DPYD: variants seen among roughly 807,000 people sequenced by gnomAD.
The protein encoded by DPYD is dihydropyrimidine dehydrogenase, also known as dihydropyrimidine dehydrogenase [NADP(+)].
A neutral mutation model predicts 116.2 loss-of-function variants in DPYD; 109 were observed. That is an observed-to-expected ratio of 0.94 (90% CI 0.80 to 1.10). The LOEUF is 1.10. Ranked by LOEUF, DPYD falls within the 50% of genes least tolerant of loss-of-function variation. DPYD has a pLI of 0.00. For synonymous variants in DPYD, 440 were observed against 432.0 expected (o/e 1.02, Z -0.23); for missense variants, 1,302 against 1,254.5 (o/e 1.04, Z -0.57).
At chr1:97,323,849 A>C (rs1217379673) in intron 16 of DPYD, among the ~76,000 whole-genome samples, 2 of 151,518 alleles carry the variant, frequency 1.3e-5, no homozygotes, top group Non-Finnish European at 2.9e-5. Flanking sequence ...AGGAAATTTA[A>C]ATCATATGAA....
intron 19 of DPYD, among the ~76,000 whole-genome samples, chr1:97,201,152 C>T (rs937254841): frequency 2.6e-5 from 4 of 151,990 alleles, no homozygotes; most frequent in African/African-American, 4.8e-5. Flanking sequence ...TAAAAAGAAG[C>T]GAAGTGATTT....
At chr1:97,803,448 C>G (rs76357981) in intron 3 of DPYD, among the ~76,000 whole-genome samples, 7,788 of 151,720 alleles carry the variant, frequency 0.051, 278 homozygotes, top group Middle Eastern at 0.075. Flanking sequence ...AGACATTAAT[C>G]AAAAAGGTGT....
At chr1:97,514,889 A>G (rs1648099593) in intron 13 of DPYD, among the ~76,000 whole-genome samples, 1 of 151,878 alleles carries the variant, frequency 6.6e-6, no homozygotes, top group South Asian at 2.1e-4. Context: ...TTTGTTCTCT[A>G]TTATTTTCTT....
At chr1:97,279,058 C>T (rs1346443865) in intron 18 of DPYD, among the ~76,000 whole-genome samples, 3 of 152,000 alleles carry the variant, frequency 2.0e-5, no homozygotes, top group Non-Finnish European at 4.4e-5. Context: ...CAGATTTGTT[C>T]CATGAGTATA....
chr1:97,160,656 T>C (rs1052269714), intron 20 of DPYD, among the ~76,000 whole-genome samples: 2 of 152,072 alleles, frequency 1.3e-5, no homozygotes, highest in East Asian at 1.9e-4. Flanking sequence ...TATTGTCACA[T>C]AGATTGAATT....
At chr1:97,528,445 A>G (rs1649317386) in intron 12 of DPYD, among the ~76,000 whole-genome samples, 1 of 152,184 alleles carries the variant, frequency 6.6e-6, no homozygotes, top group African/African-American at 2.4e-5. Flanking sequence ...AATTGGCTCC[A>G]TGGCATAATG....
chr1:97,722,687 G>A (rs1190328382), intron 4 of DPYD, among the ~76,000 whole-genome samples: 2 of 151,572 alleles, frequency 1.3e-5, no homozygotes, highest in Admixed American at 6.6e-5. Flanking sequence ...AAAAGCCTCA[G>A]ACATAAGTAC....
At chr1:97,102,434 T>TATATATATATATATAAATGTA (rs1346320150) in intron 20 of DPYD, among the ~76,000 whole-genome samples, 1 of 140,034 alleles carries the variant, frequency 7.1e-6, no homozygotes, top group Non-Finnish European at 1.6e-5. Context: ...TATATGTATC[T>TATATATATATATATAAATGTA]TATTCAGTAT....
chr1:97,711,380 T>C (rs915106506), intron 5 of DPYD, among the ~76,000 whole-genome samples: 2 of 151,950 alleles, frequency 1.3e-5, no homozygotes, highest in African/African-American at 2.4e-5. Flanking sequence ...TGTTATAAGA[T>C]AAAGTACTGA....
chr1:97,154,902 T>C (rs962457783), intron 20 of DPYD, among the ~76,000 whole-genome samples: 1 of 152,160 alleles, frequency 6.6e-6, no homozygotes, highest in Middle Eastern at 3.4e-3. Context: ...CCAAAACCTA[T>C]TGAAATAAAA....
intron 2 of DPYD, 25 bp downstream of exon 2, chr1:97,883,238 TG>T (rs1371144853): frequency 4.0e-6 from 6 of 1,510,128 alleles, no homozygotes; most frequent in East Asian, 2.3e-5. Flanking sequence ...ATTTTCAGCA[TG>T]AAATAGTGTA....
At position 97,456,498 on chromosome 1, in the gene DPYD, A is replaced by G. The variant is rs1005610510; in HGVS notation, c.1741-6275T>C. On this transcript the variant is annotated intron_variant, in intron 13 of 22. Transcript: ENST00000370192. ...TAGCTCTCTGACAAGTCCCAAGTCT[A>G]CAAGTTGTAGGGAAAGACACTCCTC... Among the ~76,000 whole-genome samples the G allele has an allele frequency of 3.9e-5, 6 of 152,148 alleles. No homozygotes were observed. In the East Asian group the frequency reaches 9.7e-4, roughly 25 times the overall value.
At chr1:97,572,323 C>T (rs1050175140) in intron 11 of DPYD, among the ~76,000 whole-genome samples, 9 of 151,914 alleles carry the variant, frequency 5.9e-5, no homozygotes, top group South Asian at 2.1e-4. Flanking sequence ...CATGCCTGCG[C>T]GCACACACAC....
intron 3 of DPYD, among the ~76,000 whole-genome samples, chr1:97,795,580 A>G (rs1667531263): frequency 6.6e-6 from 1 of 152,010 alleles, no homozygotes; most frequent in Non-Finnish European, 1.5e-5. Flanking sequence ...ACTCATTTCT[A>G]TAATTTTACC....
chr1:97,172,478 T>C (rs1656800130), intron 20 of DPYD, among the ~76,000 whole-genome samples: 1 of 152,196 alleles, frequency 6.6e-6, no homozygotes, highest in Admixed American at 6.6e-5. Flanking sequence ...TTGTTAATGC[T>C]AAGAAGAAAG....
chr1:97,287,195 A>G (rs1329995497), intron 18 of DPYD, among the ~76,000 whole-genome samples: 1 of 152,188 alleles, frequency 6.6e-6, no homozygotes, highest in East Asian at 1.9e-4. Flanking sequence ...GGTCCACTCC[A>G]GACCCTGTTT....
chr1:97,614,484 G>A (rs1346464341), intron 8 of DPYD, among the ~76,000 whole-genome samples: 3 of 151,974 alleles, frequency 2.0e-5, no homozygotes, highest in Non-Finnish European at 4.4e-5. Flanking sequence ...TAGTAGACTA[G>A]AGATAAAAGG....
intron 19 of DPYD, among the ~76,000 whole-genome samples, chr1:97,233,365 G>T (rs72726646): frequency 2.6e-5 from 4 of 152,090 alleles, no homozygotes; most frequent in Admixed American, 6.6e-5. Context: ...ACTGCAGAAG[G>T]GGGGAGGACG....
chr1:97,654,461 T>C (rs577460082), intron 8 of DPYD, among the ~76,000 whole-genome samples: 11 of 152,292 alleles, frequency 7.2e-5, no homozygotes, highest in African/African-American at 1.7e-4. Flanking sequence ...GATTTCATTA[T>C]GGGACCCTTT....
Sources: gnomAD v4.1 joint callset for allele counts (sites outside exome capture counted in the v4.1 genomes callset) on GRCh38, gnomAD v4.1.1 for gene constraint, MANE v1.5 for transcripts, NCBI Gene and HGNC (gene_info 2026-07-23, HGNC 2026-07-21) for gene names.